DDAH1: variants seen among roughly 807,000 people sequenced by gnomAD.
The protein encoded by DDAH1 is N(G),N(G)-dimethylarginine dimethylaminohydrolase 1.
In DDAH1, 19 loss-of-function variants were observed where a neutral mutation model predicts 28.8. The observed-to-expected ratio is 0.66, with a 90% CI of 0.46 to 0.97. The LOEUF (loss-of-function observed/expected upper bound fraction) is 0.97, where lower values mean the gene tolerates loss of function less well. Among genes scored for constraint, DDAH1 ranks in the 50% least tolerant of loss-of-function variants. The pLI is 0.00. For missense variants in DDAH1, 326 were observed against 375.9 expected, an observed-to-expected ratio of 0.87 and a Z score of 1.10; for synonymous variants, 153 against 154.4, an observed-to-expected ratio of 0.99 and a Z score of 0.07.
chr1:85,516,511 C>T (rs1472411591), intron 1 of DDAH1, among the ~76,000 whole-genome samples: 2 of 151,762 alleles, frequency 1.3e-5, no homozygotes, highest in African/African-American at 4.8e-5. Flanking sequence ...GCTTAGTTTG[C>T]TTTCTGCCCA....
At chr1:85,408,139 T>C (rs1652492755) in intron 1 of DDAH1, among the ~76,000 whole-genome samples, 1 of 152,210 alleles carries the variant, frequency 6.6e-6, no homozygotes. Flanking sequence ...CAAATCCTTG[T>C]TTCCCAGTGG....
chr1:85,419,494 C>T (rs1311926038), intron 1 of DDAH1, among the ~76,000 whole-genome samples: 2 of 142,352 alleles, frequency 1.4e-5, no homozygotes, highest in Non-Finnish European at 3.0e-5. Context: ...TAGCCAAGAT[C>T]ACACCATTGC....
intron 1 of DDAH1, among the ~76,000 whole-genome samples, chr1:85,364,246 T>C (rs565841589): frequency 6.6e-6 from 1 of 152,274 alleles, no homozygotes; most frequent in South Asian, 2.1e-4. Context: ...TTGGAGCCCA[T>C]GCCTTCTGCC....
rs138651430 is a variant in DDAH1, at chr1:85,331,192, C to G, written c.598-6309G>C. Among the ~76,000 whole-genome samples, 715 of 152,330 alleles carry G rather than the reference C, an allele frequency of 4.7e-3. 13 individuals are homozygous for G. Among genetic ancestry groups the G allele is most frequent in the Admixed American group, 0.042 (642 of 15,302 alleles). On this transcript the variant is annotated intron_variant, in intron 4 of 5. Transcript: ENST00000284031. ...AGTTCCCAACATTTCTGGGAATTTT[C>G]TCATCCAAACGACTGAAAGCCCACT...
chr1:85,426,277 T>C (rs1653391856), intron 1 of DDAH1, among the ~76,000 whole-genome samples: 2 of 152,214 alleles, frequency 1.3e-5, no homozygotes, highest in Admixed American at 1.3e-4. Flanking sequence ...TCAATTTCCT[T>C]ACCTATAAAA....
At chr1:85,375,373 C>G (rs1391556) in intron 1 of DDAH1, among the ~76,000 whole-genome samples, 19,841 of 152,068 alleles carry the variant, frequency 0.13, 1,576 homozygotes, top group South Asian at 0.29. Flanking sequence ...TTCCATAAGA[C>G]TAGATGAGGC....
intron 2 of DDAH1, among the ~76,000 whole-genome samples, chr1:85,484,724 C>T (rs1656141841): frequency 6.6e-6 from 1 of 152,170 alleles, no homozygotes; most frequent in Non-Finnish European, 1.5e-5. Flanking sequence ...CCACATTAAT[C>T]CCTAAAAATA....
intron 2 of DDAH1, among the ~76,000 whole-genome samples, chr1:85,489,441 G>A (rs77754659): frequency 0.038 from 5,851 of 152,234 alleles, 146 homozygotes; most frequent in Middle Eastern, 0.058. Context: ...AACACTGTTG[G>A]CTGAGATAAG....
intron 1 of DDAH1, among the ~76,000 whole-genome samples, chr1:85,524,451 A>G (rs1318125711): frequency 8.2e-4 from 124 of 151,372 alleles, no homozygotes; most frequent in Admixed American, 2.6e-4. Flanking sequence ...CTTTCTCTAA[A>G]GATGTTTGGT....
At chr1:85,428,729 C>T (rs971984283) in intron 1 of DDAH1, among the ~76,000 whole-genome samples, 2 of 152,128 alleles carry the variant, frequency 1.3e-5, no homozygotes, top group African/African-American at 4.8e-5. Flanking sequence ...AGCAGCATGC[C>T]TGTTTACTCC....
intron 1 of DDAH1, among the ~76,000 whole-genome samples, chr1:85,422,388 A>C (rs1037882641): frequency 5.3e-5 from 8 of 152,194 alleles, no homozygotes; most frequent in African/African-American, 1.9e-4. Context: ...TTCATAGAGC[A>C]GAAGTTTTTA....
chr1:85,394,998 T>C (rs758448337), intron 1 of DDAH1, among the ~76,000 whole-genome samples: 4 of 152,198 alleles, frequency 2.6e-5, no homozygotes, highest in African/African-American at 4.8e-5. Context: ...GAAATTAAGG[T>C]TACTAAAAGT....
rs539554263 is a variant in DDAH1, at chr1:85,540,248, C to T, written c.-123+37736G>A. ...CCTTTTCCTTTGACCTGGGGTTACACCTTTTAGTCTTATTTCCCTATCTTC... is the reference window on the plus strand; with the variant it reads ...CCTTTTCCTTTGACCTGGGGTTACATCTTTTAGTCTTATTTCCCTATCTTC... On this transcript the variant is annotated intron_variant, in intron 1 of 6. Transcript: ENST00000426972. 9.4e-4 allele frequency among the ~76,000 whole-genome samples: 143 copies of T among 152,220 alleles called. No homozygotes were observed. In the Middle Eastern group the frequency reaches 0.01, roughly 11 times the overall value.
intron 1 of DDAH1, among the ~76,000 whole-genome samples, chr1:85,498,188 T>G (rs1656666928): frequency 6.6e-6 from 1 of 152,232 alleles, no homozygotes; most frequent in Admixed American, 6.5e-5. Context: ...GAAGAGATTC[T>G]GAGGGATAGC....
chr1:85,440,433 G>GT (rs1654138747), intron 1 of DDAH1, among the ~76,000 whole-genome samples: 1 of 152,130 alleles, frequency 6.6e-6, no homozygotes, highest in Non-Finnish European at 1.5e-5. Context: ...CACTCACATT[G>GT]TGAGCTCACA....
chr1:85,482,456 A>G (rs1383224742), intron 2 of DDAH1: 2 of 152,234 alleles, frequency 1.3e-5, no homozygotes, highest in African/African-American at 2.4e-5. Flanking sequence ...ATCGTGTAAT[A>G]ATGATAAAAT....
intron 1 of DDAH1, among the ~76,000 whole-genome samples, chr1:85,414,751 A>T (rs1209099890): frequency 1.3e-5 from 2 of 152,044 alleles, no homozygotes; most frequent in African/African-American, 4.8e-5. Flanking sequence ...CTTCTATTTT[A>T]TTGTTCTTTG....
chr1:85,402,676 C>T (rs1174982914), intron 1 of DDAH1, among the ~76,000 whole-genome samples: 9 of 151,906 alleles, frequency 5.9e-5, no homozygotes, highest in South Asian at 2.1e-4. Flanking sequence ...TTTGGGAGGC[C>T]GAGGCGGTGG....
At chr1:85,407,858 T>C (rs1289310166) in intron 1 of DDAH1, among the ~76,000 whole-genome samples, 2 of 152,344 alleles carry the variant, frequency 1.3e-5, no homozygotes, top group East Asian at 3.9e-4. Flanking sequence ...CTTATATTTA[T>C]ATAAAATTCA....
Sources: allele counts gnomAD v4.1 joint callset (sites outside exome capture counted in the v4.1 genomes callset), GRCh38; gene constraint gnomAD v4.1.1; transcripts MANE v1.5; gene names NCBI Gene and HGNC (gene_info 2026-07-23, HGNC 2026-07-21).